Variants in SAMD5 observed in about 807,000 individuals in gnomAD.
SAMD5 encodes sterile alpha motif domain-containing protein 5.
A neutral mutation model predicts 11.3 loss-of-function variants in SAMD5; 13 were observed. That is an observed-to-expected ratio of 1.15 (90% CI 0.75 to 1.83). SAMD5 has a LOEUF of 1.83. Among genes scored for constraint, SAMD5 ranks in the 40% most tolerant of loss-of-function variants. The pLI, the probability that SAMD5 is intolerant of heterozygous loss-of-function variation, is 0.00. For synonymous variants in SAMD5, 129 were observed against 111.3 expected, an observed-to-expected ratio of 1.16 and a Z score of -1.00; for missense variants, 255 against 239.1, an observed-to-expected ratio of 1.07 and a Z score of -0.44.
rs9377072 is a variant in SAMD5, at chr6:147,666,187, T to G, written c.163-71130T>G. 8.0e-3 allele frequency among the ~76,000 whole-genome samples: 1,213 copies of G among 152,334 alleles called. 56 individuals are homozygous for G. The highest frequency in any genetic ancestry group is 0.064 in the Admixed American group (980 of 15,298). Reference sequence around the variant, plus strand: ...CTCCTGACCTCGTGATCCGCCCGCCTCAGTCTCCCGAAGTGCTCGGATTAT... The same window carrying G: ...CTCCTGACCTCGTGATCCGCCCGCCGCAGTCTCCCGAAGTGCTCGGATTAT... On this transcript the variant is annotated intron_variant, in intron 1 of 1. Coordinates refer to the SAMD5 transcript ENST00000566741.
the SAMD5 span, among the ~76,000 whole-genome samples, chr6:147,772,989 T>G: frequency 6.6e-6 from 1 of 152,124 alleles, no homozygotes; most frequent in East Asian, 1.9e-4. Flanking sequence ...CACTCACATA[T>G]AGCGTGTCTC....
the SAMD5 span, among the ~76,000 whole-genome samples, chr6:147,791,885 G>C: frequency 6.6e-6 from 1 of 152,198 alleles, no homozygotes; most frequent in Non-Finnish European, 1.5e-5. Flanking sequence ...AGAAAAGGCA[G>C]AACTATAGAC....
intron 1 of SAMD5, among the ~76,000 whole-genome samples, chr6:147,594,803 T>G (rs1789505991): frequency 6.6e-6 from 1 of 152,194 alleles, no homozygotes; most frequent in Non-Finnish European, 1.5e-5. Flanking sequence ...CCTGATGGTC[T>G]TCAGGTAATT....
chr6:147,821,771 C>T, the SAMD5 span, among the ~76,000 whole-genome samples: 8 of 152,166 alleles, frequency 5.3e-5, no homozygotes, highest in Non-Finnish European at 1.2e-4. Context: ...TTGGTTGCTA[C>T]GAAACTGAAA....
chr6:147,642,725 G>A lies in SAMD5; in HGVS notation c.163-94592G>A, dbSNP rs188415917. On this transcript the variant is annotated intron_variant, in intron 1 of 1. Coordinates refer to the SAMD5 transcript ENST00000566741. ...TTTTTGTTTTCTTTCTAATAGCTAT[G>A]CAATCCCAGTCTTACTATAAATAAT... Among the ~76,000 whole-genome samples the A allele has an allele frequency of 1.5e-3, 230 of 152,216 alleles. 2 individuals carry two copies. Among genetic ancestry groups the A allele is most frequent in the African/African-American group, 5.3e-3 (222 of 41,530 alleles).
intron 1 of SAMD5, among the ~76,000 whole-genome samples, chr6:147,634,751 C>T (rs6933618): frequency 0.53 from 80,577 of 152,000 alleles, 22,991 homozygotes; most frequent in South Asian, 0.72. Context: ...ACATTCGATA[C>T]TGTTGAACTG....
At chr6:147,817,915 G>A in the SAMD5 span, among the ~76,000 whole-genome samples, 1 of 152,178 alleles carries the variant, frequency 6.6e-6, no homozygotes, top group African/African-American at 2.4e-5. Context: ...GAGTTTCTAA[G>A]CTTGTGTCTA....
chr6:147,920,217 C>T, the SAMD5 span, among the ~76,000 whole-genome samples: 1 of 152,174 alleles, frequency 6.6e-6, no homozygotes, highest in Non-Finnish European at 1.5e-5. Flanking sequence ...CATCAGCTGC[C>T]AGCACTGCTA....
At chr6:147,755,409 A>G in the SAMD5 span, among the ~76,000 whole-genome samples, 2 of 152,112 alleles carry the variant, frequency 1.3e-5, no homozygotes, top group Non-Finnish European at 2.9e-5. Context: ...AGCAATCTTC[A>G]GCATAAAAGC....
At chr6:147,758,018 A>C in the SAMD5 span, among the ~76,000 whole-genome samples, 2 of 152,178 alleles carry the variant, frequency 1.3e-5, no homozygotes, top group Admixed American at 1.3e-4. Context: ...TTGTTTAGGA[A>C]AAGTTGTATG....
the SAMD5 span, among the ~76,000 whole-genome samples, chr6:147,848,662 AG>A: frequency 2.0e-5 from 3 of 152,172 alleles, no homozygotes; most frequent in African/African-American, 7.2e-5. Context: ...TTGTGAAGTT[AG>A]GGGCTTTGCC....
At chr6:147,775,102 A>C in the SAMD5 span, among the ~76,000 whole-genome samples, 1 of 152,118 alleles carries the variant, frequency 6.6e-6, no homozygotes, top group Non-Finnish European at 1.5e-5. Flanking sequence ...ATTTGATTTT[A>C]TCGGGCTTAT....
the SAMD5 span, among the ~76,000 whole-genome samples, chr6:147,795,604 T>C: frequency 1.5e-4 from 22 of 151,164 alleles, no homozygotes; most frequent in Non-Finnish European, 2.5e-4. Context: ...CTGGGTCAAA[T>C]GGTATTTCTA....
intron 1 of SAMD5, among the ~76,000 whole-genome samples, chr6:147,520,983 AT>A (rs1788244962): frequency 6.6e-6 from 1 of 152,108 alleles, no homozygotes; most frequent in Non-Finnish European, 1.5e-5. Flanking sequence ...TCTAATTGAA[AT>A]TTTATACCCT....
At position 147,530,599 on chromosome 6, in the gene SAMD5, C is replaced by T. The variant is rs115089221; in HGVS notation, c.459+21212C>T. On this transcript the variant is annotated intron_variant, in intron 1 of 1. Coordinates refer to ENST00000367474, the MANE Select transcript of SAMD5 (RefSeq NM_001030060.3). ...ACTGGCTTGTGGTTTTGCTTTTTGT[C>T]TTTGTGGTCCTTGTTGAGGTTTGTG... is the stretch of plus-strand genomic sequence containing the variant. 8.6e-3 allele frequency among the ~76,000 whole-genome samples: 1,305 copies of T among 152,328 alleles called. 16 individuals are homozygous for T. The highest frequency in any genetic ancestry group is 0.03 in the African/African-American group (1,240 of 41,574).
chr6:147,587,447 G>A (rs1318263200), intron 1 of SAMD5, among the ~76,000 whole-genome samples: 3 of 152,102 alleles, frequency 2.0e-5, no homozygotes, highest in Non-Finnish European at 4.4e-5. Flanking sequence ...ATGACAGCCA[G>A]GTTGGTCTCA....
chr6:147,840,341 TAGG>T, the SAMD5 span, among the ~76,000 whole-genome samples: 1 of 152,350 alleles, frequency 6.6e-6, no homozygotes, highest in South Asian at 2.1e-4. Context: ...TACAATCTTT[TAGG>T]AGCAGTTGCA....
chr6:147,940,095 C>T, the SAMD5 span, among the ~76,000 whole-genome samples: 11 of 151,710 alleles, frequency 7.3e-5, no homozygotes, highest in African/African-American at 2.7e-4. Context: ...TTGGGAGCTA[C>T]GAAAGATTTT....
the SAMD5 span, among the ~76,000 whole-genome samples, chr6:147,834,661 A>C: frequency 6.6e-6 from 1 of 152,222 alleles, no homozygotes; most frequent in Non-Finnish European, 1.5e-5. Context: ...CACTGTATTT[A>C]TAGCAACCAT....
Sources: allele counts gnomAD v4.1 joint callset (sites outside exome capture counted in the v4.1 genomes callset), GRCh38; gene constraint gnomAD v4.1.1; transcripts MANE v1.5; gene names NCBI Gene and HGNC (gene_info 2026-07-23, HGNC 2026-07-21).